The following SUGCT variants were observed in gnomAD, a reference collection of about 807,000 sequenced individuals.
SUGCT encodes succinyl-CoA:glutarate CoA-transferase.
SUGCT carries 41 observed loss-of-function variants against 55.0 expected under a neutral mutation model. The ratio of observed to expected loss-of-function variants is 0.74; its 90% CI spans 0.58 to 0.97. SUGCT has a LOEUF of 0.97. SUGCT is among the 50% of genes least tolerant of loss of function. SUGCT has a pLI of 0.00. For synonymous variants in SUGCT, 187 were observed against 200.4 expected (o/e 0.93, Z 0.56); for missense variants, 568 against 547.8 (o/e 1.04, Z -0.37).
intron 9 of SUGCT, among the ~76,000 whole-genome samples, chr7:40,320,131 G>C (rs1256451798): frequency 6.6e-6 from 1 of 150,830 alleles, no homozygotes. Flanking sequence ...TTTTGAGATA[G>C]AGTCTCGCTC....
At chr7:40,244,685 C>A (rs769549102) in intron 7 of SUGCT, among the ~76,000 whole-genome samples, 1 of 152,178 alleles carries the variant, frequency 6.6e-6, no homozygotes, top group Non-Finnish European at 1.5e-5. Flanking sequence ...AGAAATTGCT[C>A]TTACATTGCT....
the SUGCT span, among the ~76,000 whole-genome samples, chr7:40,894,175 G>T: frequency 1.8e-4 from 27 of 151,986 alleles, no homozygotes; most frequent in Non-Finnish European, 4.0e-4. Context: ...AAATAATCCT[G>T]CACATGTACA....
intron 9 of SUGCT, among the ~76,000 whole-genome samples, chr7:40,334,237 A>C (rs1796538922): frequency 6.6e-6 from 1 of 152,156 alleles, no homozygotes; most frequent in African/African-American, 2.4e-5. Flanking sequence ...TTATAGCAGC[A>C]TGATTTATAT....
intron 12 of SUGCT, among the ~76,000 whole-genome samples, chr7:40,503,615 A>G (rs1231123270): frequency 6.6e-6 from 1 of 152,120 alleles, no homozygotes; most frequent in African/African-American, 2.4e-5. Context: ...ACGGAAATTA[A>G]CTGTTACTTT....
At chr7:40,621,265 G>A (rs1274365080) in intron 12 of SUGCT, among the ~76,000 whole-genome samples, 1 of 152,154 alleles carries the variant, frequency 6.6e-6, no homozygotes, top group Non-Finnish European at 1.5e-5. Context: ...AGCGAACACA[G>A]CAGCAAGAAC....
chr7:40,778,429 A>G (rs1789570339), intron 13 of SUGCT, among the ~76,000 whole-genome samples: 1 of 152,252 alleles, frequency 6.6e-6, no homozygotes, highest in Non-Finnish European at 1.5e-5. Flanking sequence ...TATTTAGCTC[A>G]TTTAAAATTT....
intron 12 of SUGCT, among the ~76,000 whole-genome samples, chr7:40,553,006 C>T (rs920282936): frequency 1.3e-5 from 2 of 152,094 alleles, no homozygotes; most frequent in African/African-American, 4.8e-5. Context: ...ATGATCTTTG[C>T]ATGTCTGTTG....
intron 13 of SUGCT, among the ~76,000 whole-genome samples, chr7:40,761,004 C>T (rs1164388321): frequency 2.0e-5 from 3 of 152,240 alleles, no homozygotes; most frequent in African/African-American, 7.2e-5. Context: ...CTAGCCACAT[C>T]ATTAATTTTT....
At chr7:40,298,772 C>T (rs11773447) in intron 8 of SUGCT, among the ~76,000 whole-genome samples, 41,221 of 151,422 alleles carry the variant, frequency 0.27, 6,420 homozygotes, top group East Asian at 0.46. Flanking sequence ...TCAAGAGTTC[C>T]GTCAAATATC....
At chr7:41,013,894 A>G in the SUGCT span, among the ~76,000 whole-genome samples, 1 of 152,024 alleles carries the variant, frequency 6.6e-6, no homozygotes, top group African/African-American at 2.4e-5. Context: ...TAGTTCGATG[A>G]TGTCAATTTT....
At chr7:40,356,350 C>CTA (rs1797887042) in intron 9 of SUGCT, among the ~76,000 whole-genome samples, 1 of 152,148 alleles carries the variant, frequency 6.6e-6, no homozygotes, top group African/African-American at 2.4e-5. Flanking sequence ...ATTTCCAAAG[C>CTA]TATTTAATGC....
rs150774037 is a variant in SUGCT at position 40,853,490 on chromosome 7, G to T, written c.1154-6826G>T. Among the ~76,000 whole-genome samples the T allele has an allele frequency of 5.6e-3, 850 of 152,066 alleles. 7 individuals carry two copies. The highest frequency in any genetic ancestry group is 0.019 in the African/African-American group (800 of 41,484). ...AGAAATTCTCCTGCCTCAGCCTCCCGAGTAGCTGGAACTACCAGTGCACTC... is the reference window on the plus strand; with the variant it reads ...AGAAATTCTCCTGCCTCAGCCTCCCTAGTAGCTGGAACTACCAGTGCACTC... On this transcript the variant is annotated intron_variant, in intron 13 of 13. Coordinates refer to ENST00000335693, the MANE Select transcript of SUGCT (RefSeq NM_001193313.2).
intron 12 of SUGCT, among the ~76,000 whole-genome samples, chr7:40,505,936 G>T (rs1792566599): frequency 6.6e-6 from 1 of 151,642 alleles, no homozygotes; most frequent in South Asian, 2.1e-4. Flanking sequence ...TGTAATTATT[G>T]TCAAATATGT....
At chr7:40,583,161 C>T (rs1163440649) in intron 12 of SUGCT, among the ~76,000 whole-genome samples, 2 of 151,984 alleles carry the variant, frequency 1.3e-5, no homozygotes, top group Non-Finnish European at 2.9e-5. Context: ...TGGGGTGGTA[C>T]ATCCGTAAAG....
At chr7:40,211,223 T>G (rs2150793658) in intron 6 of SUGCT, among the ~76,000 whole-genome samples, 1 of 151,322 alleles carries the variant, frequency 6.6e-6, no homozygotes, top group South Asian at 2.1e-4. Flanking sequence ...TTGATTGATC[T>G]GATTGATTGA....
At chr7:40,467,831 G>T (rs1288394506) in intron 11 of SUGCT, among the ~76,000 whole-genome samples, 1 of 152,014 alleles carries the variant, frequency 6.6e-6, no homozygotes. Context: ...ATTTTCATTA[G>T]CCTGCATGGC....
At chr7:40,865,183 T>C (rs931442015), downstream of SUGCT, among the ~76,000 whole-genome samples, 7 of 151,962 alleles carry the variant, frequency 4.6e-5, no homozygotes, top group African/African-American at 1.7e-4. Flanking sequence ...CTTCATCTCC[T>C]CATCCTTTCT....
intron 9 of SUGCT, among the ~76,000 whole-genome samples, chr7:40,358,717 A>AACAACAACAAC (rs1797997610): frequency 6.6e-6 from 1 of 150,658 alleles, no homozygotes; most frequent in African/African-American, 2.5e-5. Flanking sequence ...TCCATCTCAA[A>AACAACAACAAC]AACAACAACA....
the SUGCT span, among the ~76,000 whole-genome samples, chr7:40,887,702 G>A: frequency 6.6e-6 from 1 of 152,190 alleles, no homozygotes; most frequent in Non-Finnish European, 1.5e-5. Flanking sequence ...CCTGGGAGTT[G>A]TCTGGACTAG....
Sources: allele counts gnomAD v4.1 joint callset (sites outside exome capture counted in the v4.1 genomes callset), GRCh38; gene constraint gnomAD v4.1.1; transcripts MANE v1.5; gene names NCBI Gene and HGNC (gene_info 2026-07-23, HGNC 2026-07-21).